Variants in NEK10 observed in about 807,000 individuals in gnomAD.
NEK10 encodes the protein NIMA related kinase 10, also known as serine/threonine-protein kinase Nek10.
A neutral mutation model predicts 159.8 loss-of-function variants in NEK10; 122 were observed. The ratio of observed to expected loss-of-function variants is 0.76; its 90% confidence interval spans 0.66 to 0.89. NEK10 has a LOEUF of 0.89. NEK10 is among the 40% of genes least tolerant of loss of function. The probability of loss-of-function intolerance (pLI) is 0.00; values close to 1 mark genes in which losing one functional copy is unlikely to be tolerated. For missense variants in NEK10, 1,342 were observed against 1,323.1 expected, an observed-to-expected ratio of 1.01 and a Z score of -0.22; for synonymous variants, 466 against 457.1, an observed-to-expected ratio of 1.02 and a Z score of -0.25.
chr3:27,154,776 T>C (rs563785123), intron 30 of NEK10, among the ~76,000 whole-genome samples: 11 of 152,232 alleles, frequency 7.2e-5, no homozygotes, highest in African/African-American at 2.4e-4. Context: ...CTCAGCAAAA[T>C]TGGCATACAA....
chr3:27,365,559 A>G (rs2048993459), intron 1 of NEK10, among the ~76,000 whole-genome samples: 1 of 149,808 alleles, frequency 6.7e-6, no homozygotes, highest in African/African-American at 2.5e-5. Flanking sequence ...TATTTTATCC[A>G]GTGCTCATAT....
chr3:27,198,531 T>C lies in NEK10; in HGVS notation c.2291+2979A>G, dbSNP rs1393777567. Among the ~76,000 whole-genome samples, 6 of 152,030 alleles carry C rather than the reference T, an allele frequency of 3.9e-5. No homozygotes were observed. The South Asian group carries it at 8.3e-4, about 21-fold the overall frequency. On this transcript the variant is annotated intron_variant, in intron 25 of 35. Transcript: ENST00000691995. ...CAACAAACCTGACAAAAACAAGCAA[T>C]GGGGGAAAGATTCCCTATGTAACAA...
intron 32 of NEK10, among the ~76,000 whole-genome samples, chr3:27,129,531 A>G (rs1362588265): frequency 3.3e-5 from 5 of 152,160 alleles, no homozygotes. Flanking sequence ...GAAAAGGGGT[A>G]AAAATGGAGG....
chr3:27,259,745 A>T (rs942150668), intron 22 of NEK10, among the ~76,000 whole-genome samples: 3 of 152,140 alleles, frequency 2.0e-5, no homozygotes, highest in Non-Finnish European at 4.4e-5. Context: ...GTTTTTTCCA[A>T]TTGTGTGAAG....
chr3:27,113,049 A>G (rs1939801359), intron 35 of NEK10, among the ~76,000 whole-genome samples: 1 of 152,222 alleles, frequency 6.6e-6, no homozygotes, highest in South Asian at 2.1e-4. Context: ...ACTAGTAAAC[A>G]AAGAGTGGCT....
chr3:27,211,798 A>T (rs1192001821), intron 23 of NEK10, among the ~76,000 whole-genome samples: 3 of 152,164 alleles, frequency 2.0e-5, no homozygotes, highest in African/African-American at 7.2e-5. Flanking sequence ...TAAAGGAGAC[A>T]ACTAATATAC....
chr3:27,218,523 T>C (rs1200808337), intron 23 of NEK10, among the ~76,000 whole-genome samples: 1 of 148,620 alleles, frequency 6.7e-6, no homozygotes, highest in Non-Finnish European at 1.5e-5. Context: ...GAGAATCCCT[T>C]GAACCTGGGA....
intron 23 of NEK10, among the ~76,000 whole-genome samples, chr3:27,237,427 C>T (rs1269522429): frequency 6.6e-6 from 1 of 152,014 alleles, no homozygotes; most frequent in African/African-American, 2.4e-5. Flanking sequence ...TCAGAGATTG[C>T]AGTAAAGACA....
At chr3:27,267,771 A>G (rs1466997047) in intron 22 of NEK10, among the ~76,000 whole-genome samples, 2 of 152,206 alleles carry the variant, frequency 1.3e-5, no homozygotes, top group African/African-American at 2.4e-5. Context: ...TTGGCCTCCA[A>G]TCATTCAAGT....
At chr3:27,113,399 T>C (rs756524087) in intron 35 of NEK10, among the ~76,000 whole-genome samples, 35 of 134,950 alleles carry the variant, frequency 2.6e-4, no homozygotes, top group Non-Finnish European at 2.6e-4. Context: ...CCATTGCACT[T>C]CAGCCTGGCC....
intron 23 of NEK10, chr3:27,215,642 T>C: frequency 1.9e-6 from 1 of 539,566 alleles, no homozygotes; most frequent in Admixed American, 3.1e-5. Flanking sequence ...TTTATCACAT[T>C]TAAAGAGTGT....
intron 23 of NEK10, among the ~76,000 whole-genome samples, chr3:27,254,721 T>G (rs2289803): frequency 0.48 from 73,220 of 151,962 alleles, 21,211 homozygotes; most frequent in African/African-American, 0.82. Flanking sequence ...AAGATATACT[T>G]TACATGCTAT....
At chr3:27,219,454 A>G (rs1362236530) in intron 23 of NEK10, among the ~76,000 whole-genome samples, 2 of 152,236 alleles carry the variant, frequency 1.3e-5, no homozygotes, top group Non-Finnish European at 2.9e-5. Context: ...GAGAACATGT[A>G]TGACAAGGGT....
intron 26 of NEK10, among the ~76,000 whole-genome samples, chr3:27,187,385 C>T (rs1438563007): frequency 6.6e-6 from 1 of 152,096 alleles, no homozygotes; most frequent in Admixed American, 6.6e-5. Flanking sequence ...TTTCTGCTAC[C>T]AGCACAAACA....
chr3:27,300,509 T>C (rs1352894701), intron 13 of NEK10, among the ~76,000 whole-genome samples: 1 of 152,178 alleles, frequency 6.6e-6, no homozygotes, highest in Non-Finnish European at 1.5e-5. Flanking sequence ...GAATAAGCTA[T>C]GTAACGTAAA....
intron 23 of NEK10, among the ~76,000 whole-genome samples, chr3:27,240,241 A>C (rs1200918785): frequency 6.6e-6 from 1 of 152,206 alleles, no homozygotes; most frequent in Non-Finnish European, 1.5e-5. Flanking sequence ...AATTAAATTC[A>C]GATCCAACAG....
rs1363322356 is a variant in NEK10, at chr3:27,287,713, T to C, written c.1774A>G (p.Lys592Glu). The change falls in exon 20 of 36, where the codon AAA becomes GAA. Residue 592 changes from lysine to glutamate, a missense_variant. Coordinates refer to ENST00000691995, the MANE Select transcript of NEK10 (RefSeq NM_001394966.1). ...TCATACTTACTTTCCAGAAATGTTT[T>C]GTAATAACGTACAATGTTGGGATGA... ...LYHPNIVRYY[K>E]TFLENDRLYI... The C allele has an allele frequency of 1.9e-6, 3 of 1,567,520 alleles. No individual in the cohort carries two copies. The Admixed American group carries it at 6.1e-5, about 32-fold the overall frequency.
chr3:27,282,689 T>C (rs904685219), intron 22 of NEK10, among the ~76,000 whole-genome samples: 2 of 144,072 alleles, frequency 1.4e-5, no homozygotes, highest in Admixed American at 6.9e-5. Flanking sequence ...GTGTTATATA[T>C]ATACATAACT....
At position 27,174,509 on chromosome 3, in the gene NEK10, T is replaced by A. The variant is rs764948285; in HGVS notation, c.2706A>T (p.Val902=). ...ENAEKDTYSE[V]DDELDISDNS... is the part of the protein sequence containing the mutation. ...TATCCGAAATGTCCAATTCATCATC[T>A]ACCTCTGAATATGTATCTGCACATT... The change falls in exon 28 of 36, where the codon GTA becomes GTT. Residue 902 remains valine, a synonymous_variant. Coordinates refer to ENST00000691995, the MANE Select transcript of NEK10 (RefSeq NM_001394966.1). 6.2e-7 allele frequency: 1 copy of A among 1,611,736 alleles called. No homozygotes were observed. The highest frequency in any genetic ancestry group is 2.2e-5 in the East Asian group (1 of 44,864).
Sources: allele counts gnomAD v4.1 joint callset (sites outside exome capture counted in the v4.1 genomes callset), GRCh38; gene constraint gnomAD v4.1.1; transcripts MANE v1.5; gene names NCBI Gene and HGNC (gene_info 2026-07-23, HGNC 2026-07-21).